The following SSBP2 variants were observed in gnomAD, a reference collection of about 807,000 sequenced individuals.
The protein encoded by SSBP2 is single-stranded DNA-binding protein 2.
A neutral mutation model predicts 61.8 loss-of-function variants in SSBP2; 17 were observed. That is an observed-to-expected ratio of 0.28 (90% CI 0.19 to 0.41). The LOEUF is 0.41. SSBP2 is among the 10% of genes least tolerant of loss of function. SSBP2 has a pLI of 1.00. For synonymous variants in SSBP2, 139 were observed against 141.3 expected (o/e 0.98, Z 0.12); for missense variants, 310 against 458.7 (o/e 0.68, Z 2.96).
chr5:81,615,434 A>T (rs774819021), intron 4 of SSBP2, 39 bp downstream of exon 4: 33 of 1,439,628 alleles, frequency 2.3e-5, no homozygotes, highest in Non-Finnish European at 3.2e-5. Context: ...TAAACAGAAA[A>T]CTGACAGTGT....
chr5:81,574,141 T>A (rs962357871), intron 4 of SSBP2, among the ~76,000 whole-genome samples: 5 of 151,238 alleles, frequency 3.3e-5, no homozygotes, highest in African/African-American at 1.2e-4. Flanking sequence ...ACTCCATCTC[T>A]AAAAAAAACA....
At chr5:81,575,640 T>C (rs1035599595) in intron 4 of SSBP2, among the ~76,000 whole-genome samples, 23 of 151,764 alleles carry the variant, frequency 1.5e-4, no homozygotes, top group African/African-American at 5.6e-4. Flanking sequence ...ACATAGAAAA[T>C]AGTAAAACCA....
At chr5:81,474,217 T>C (rs1170492531) in intron 7 of SSBP2, among the ~76,000 whole-genome samples, 2 of 152,212 alleles carry the variant, frequency 1.3e-5, no homozygotes, top group Non-Finnish European at 2.9e-5. Context: ...ATCACTTAGC[T>C]TCCTACTTGT....
chr5:81,442,402 A>C (rs1038365629), intron 13 of SSBP2, among the ~76,000 whole-genome samples: 1 of 152,062 alleles, frequency 6.6e-6, no homozygotes, highest in African/African-American at 2.4e-5. Flanking sequence ...TATTTACAAT[A>C]AAATAAGATG....
At chr5:81,480,255 G>C (rs569148851) in intron 6 of SSBP2, among the ~76,000 whole-genome samples, 1 of 152,294 alleles carries the variant, frequency 6.6e-6, no homozygotes, top group East Asian at 1.9e-4. Flanking sequence ...CTTATGAACT[G>C]ATGTACAGGC....
chr5:81,523,508 GATTC>G (rs1301422613), intron 4 of SSBP2, among the ~76,000 whole-genome samples: 1 of 152,010 alleles, frequency 6.6e-6, no homozygotes, highest in African/African-American at 2.4e-5. Flanking sequence ...AAGACGTACT[GATTC>G]ATTATTACAC....
intron 12 of SSBP2, 130 bp downstream of exon 12, chr5:81,446,738 C>T: frequency 1.2e-6 from 1 of 809,716 alleles, no homozygotes. Context: ...TTCTTCCTAC[C>T]ATGCTGCCTC....
At chr5:81,491,037 T>C (rs1317286844) in intron 5 of SSBP2, among the ~76,000 whole-genome samples, 1 of 152,224 alleles carries the variant, frequency 6.6e-6, no homozygotes, top group Non-Finnish European at 1.5e-5. Context: ...ACTAGAAGCT[T>C]ATTCTAATAT....
chr5:81,587,820 A>G (rs1417009153), intron 4 of SSBP2, among the ~76,000 whole-genome samples: 10 of 152,102 alleles, frequency 6.6e-5, no homozygotes, highest in Non-Finnish European at 1.5e-4. Context: ...GATGTAAGAT[A>G]GCGAAAGGGT....
At chr5:81,723,632 A>G (rs1755687808) in intron 1 of SSBP2, among the ~76,000 whole-genome samples, 1 of 152,034 alleles carries the variant, frequency 6.6e-6, no homozygotes, top group Admixed American at 6.6e-5. Flanking sequence ...CTCTTTAAAC[A>G]AAACATCAAG....
rs111947628 is a variant in SSBP2, at chr5:81,636,494, G to A, written c.197+63C>T. On this transcript the variant is annotated intron_variant, in intron 3 of 16. Coordinates refer to ENST00000320672, the MANE Select transcript of SSBP2 (RefSeq NM_012446.5). ...AAAGGAAGCATGAAATCATAAACAGGTATAGTACAGGCCTATTGAAATGCA... is the reference window on the plus strand; with the variant it reads ...AAAGGAAGCATGAAATCATAAACAGATATAGTACAGGCCTATTGAAATGCA... 3.3e-3 allele frequency: 4,159 copies of A among 1,245,798 alleles called. 112 individuals are homozygous for A. In the African/African-American group the frequency reaches 0.056, roughly 17 times the overall value. The allele number at this position is 1,245,798 out of a possible 1,614,324, so 77.2% of individuals were successfully genotyped here.
chr5:81,485,074 G>C (rs1044520649), intron 6 of SSBP2, among the ~76,000 whole-genome samples: 1 of 152,116 alleles, frequency 6.6e-6, no homozygotes, highest in African/African-American at 2.4e-5. Flanking sequence ...AATGAATACT[G>C]TGAATTTTTC....
At chr5:81,512,983 A>G (rs1047606425) in intron 5 of SSBP2, among the ~76,000 whole-genome samples, 4 of 152,106 alleles carry the variant, frequency 2.6e-5, no homozygotes, top group African/African-American at 9.7e-5. Flanking sequence ...TTTGAGTTAG[A>G]AAACTGTCAG....
chr5:81,583,629 CAA>C (rs56294944), intron 4 of SSBP2, among the ~76,000 whole-genome samples: 14 of 77,340 alleles, frequency 1.8e-4, no homozygotes, highest in African/African-American at 2.0e-4. Flanking sequence ...GACACCGTCT[CAA>C]AAAAAAAAAA....
At chr5:81,451,897 G>C (rs536913529) in intron 10 of SSBP2, among the ~76,000 whole-genome samples, 10 of 152,292 alleles carry the variant, frequency 6.6e-5, no homozygotes, top group South Asian at 2.1e-4. Flanking sequence ...CTACTTCATA[G>C]TCTTTGATGT....
chr5:81,611,248 C>T (rs950965789), intron 4 of SSBP2, among the ~76,000 whole-genome samples: 38 of 152,058 alleles, frequency 2.5e-4, no homozygotes, highest in Admixed American at 2.0e-4. Flanking sequence ...TCTATAGTTT[C>T]GGGTAAGTGA....
intron 4 of SSBP2, among the ~76,000 whole-genome samples, chr5:81,546,037 A>G (rs1448493535): frequency 6.6e-6 from 1 of 152,134 alleles, no homozygotes; most frequent in African/African-American, 2.4e-5. Context: ...TTTTTCCTTC[A>G]ATAGTTTTAA....
intron 1 of SSBP2, among the ~76,000 whole-genome samples, chr5:81,664,937 C>T (rs937942390): frequency 3.3e-5 from 5 of 152,028 alleles, no homozygotes; most frequent in African/African-American, 1.2e-4. Context: ...CTTTTTGTAC[C>T]AGTGCCATGC....
At chr5:81,655,373 TAAC>T (rs1185702607) in intron 1 of SSBP2, among the ~76,000 whole-genome samples, 3 of 152,086 alleles carry the variant, frequency 2.0e-5, no homozygotes, top group Non-Finnish European at 4.4e-5. Flanking sequence ...AGAAACAAAT[TAAC>T]AAATACAGTA....
Sources: allele counts gnomAD v4.1 joint callset (sites outside exome capture counted in the v4.1 genomes callset), GRCh38; gene constraint gnomAD v4.1.1; transcripts MANE v1.5; gene names NCBI Gene and HGNC (gene_info 2026-07-23, HGNC 2026-07-21).